NBPF10: variants seen among roughly 807,000 people sequenced by gnomAD.
NBPF10 encodes the protein NBPF member 10.
Under a neutral mutation model 77.9 loss-of-function variants are expected in NBPF10, and 63 were observed. That is an observed-to-expected ratio of 0.81 (90% confidence interval 0.66 to 1.00). The LOEUF is 1.00. Among genes scored for constraint, NBPF10 ranks in the 50% least tolerant of loss-of-function variants. The pLI, the probability that NBPF10 is intolerant of heterozygous loss-of-function variation, is 0.00. For synonymous variants in NBPF10, 146 were observed against 264.5 expected (o/e 0.55, Z 4.35); for missense variants, 522 against 679.8 (o/e 0.77, Z 2.58).
chr1:146,125,883 G>T (rs587746045), intron 14 of NBPF10, among the ~76,000 whole-genome samples: 3 of 151,316 alleles, frequency 2.0e-5, no homozygotes, highest in South Asian at 2.1e-4. Context: ...GTTCATGGTA[G>T]CGAGGATTTT....
chr1:146,073,889 C>A (rs1247566655), intron 80 of NBPF10, among the ~76,000 whole-genome samples: 1 of 76,254 alleles, frequency 1.3e-5, no homozygotes, highest in Non-Finnish European at 3.6e-5. Context: ...TCAGCCCTGT[C>A]TCATCAAATA....
chr1:146,136,205 CT>C, intron 7 of NBPF10, 147 bp downstream of exon 7: 1 of 793,756 alleles, frequency 1.3e-6, no homozygotes, highest in Non-Finnish European at 2.1e-6. Flanking sequence ...TCCTTCTTCT[CT>C]GATAAATATT....
intron 88 of NBPF10, among the ~76,000 whole-genome samples, chr1:146,067,731 AT>A (rs1412105848): frequency 6.6e-6 from 1 of 150,442 alleles, no homozygotes; most frequent in African/African-American, 2.4e-5. Flanking sequence ...AGTTCTCTGA[AT>A]TTGTCACATC....
At chr1:146,138,874 G>C (rs322075) in intron 5 of NBPF10, among the ~76,000 whole-genome samples, 1 of 119,302 alleles carries the variant, frequency 8.4e-6, no homozygotes. Flanking sequence ...CACCTCTGCC[G>C]CCCGGGTTCA....
At chr1:146,129,371 G>A (rs1158919564) in intron 11 of NBPF10, among the ~76,000 whole-genome samples, 2 of 136,826 alleles carry the variant, frequency 1.5e-5, no homozygotes, top group Non-Finnish European at 3.1e-5. Context: ...TAGCCAATTC[G>A]ATCAAGTGCA....
chr1:146,076,290 C>CAA (rs1656042197), intron 77 of NBPF10, among the ~76,000 whole-genome samples: 2 of 11,082 alleles, frequency 1.8e-4, no homozygotes, highest in African/African-American at 3.6e-4. Context: ...CACACACACA[C>CAA]ACACACACAC....
At chr1:146,084,033 G>A (rs1656510341) in intron 67 of NBPF10, 124 bp from the exon 68 acceptor site, 1 of 587,714 alleles carries the variant, frequency 1.7e-6, no homozygotes, top group African/African-American at 1.9e-5. Flanking sequence ...CATTAATGAG[G>A]TAACAAATTA....
chr1:146,125,279 G>C (rs1301245015), intron 15 of NBPF10, among the ~76,000 whole-genome samples, 186 bp downstream of exon 15: 485 of 41,726 alleles, frequency 0.012, 29 homozygotes, highest in African/African-American at 0.061. Context: ...TAGTAAGTGA[G>C]TAAATGATAA....
chr1:146,126,353 C>A (rs1553662490), exon 14 of NBPF10: 7 of 1,377,250 alleles, frequency 5.1e-6, no homozygotes, highest in East Asian at 4.6e-5. Context: ...TAACATCTAT[C>A]CTGTGAGTCC....
intron 3 of NBPF10, 126 bp from the exon 4 acceptor site, chr1:146,140,682 T>G (rs1240546758): frequency 5.5e-6 from 3 of 545,720 alleles, no homozygotes; most frequent in Non-Finnish European, 8.9e-6. Context: ...CTCTCATGTT[T>G]TATCTTTCAC....
At chr1:146,136,088 C>T (rs1443587453) in intron 7 of NBPF10, among the ~76,000 whole-genome samples, 2 of 149,060 alleles carry the variant, frequency 1.3e-5, no homozygotes, top group Non-Finnish European at 1.5e-5. Flanking sequence ...GTGGTTCACA[C>T]TCCTTTGGTT....
chr1:146,126,372 T>G (rs782171304), exon 14 of NBPF10: 1 of 1,373,742 alleles, frequency 7.3e-7, no homozygotes, highest in East Asian at 2.3e-5. Context: ...CCTGCAAGAC[T>G]TCAGGCCCTT....
chr1:146,125,390 C>T, intron 15 of NBPF10, 75 bp downstream of exon 15: 1 of 269,592 alleles, frequency 3.7e-6, no homozygotes, highest in Non-Finnish European at 6.6e-6. Context: ...AAATTGAACA[C>T]ACTCTTGTTT....
intron 15 of NBPF10, among the ~76,000 whole-genome samples, chr1:146,125,191 G>A (rs1314872036): frequency 6.9e-5 from 1 of 14,396 alleles, no homozygotes; most frequent in Non-Finnish European, 1.1e-4. Context: ...CATGAAAAGA[G>A]TGGGCTCAAT....
chr1:146,138,990 G>A (rs1211546665), intron 5 of NBPF10, among the ~76,000 whole-genome samples: 1 of 139,292 alleles, frequency 7.2e-6, no homozygotes, highest in Non-Finnish European at 1.6e-5. Context: ...CGCCATCTTG[G>A]ACAGGCTGGT....
chr1:146,126,185 C>T (rs1237448250), intron 14 of NBPF10, 51 bp downstream of exon 14: 6 of 1,004,728 alleles, frequency 6.0e-6, no homozygotes, highest in South Asian at 1.3e-5. Flanking sequence ...GAATATGACC[C>T]TAACCAGAAG....
At chr1:146,128,184 T>C (rs1553791081) in exon 12 of NBPF10, 6 of 844,514 alleles carry the variant, frequency 7.1e-6, no homozygotes, top group Admixed American at 4.2e-5. Context: ...GCTGTAAGAC[T>C]GGTACGAGGC....
chr1:146,121,066 A>G (rs1346406965), intron 20 of NBPF10, among the ~76,000 whole-genome samples: 1 of 106,104 alleles, frequency 9.4e-6, no homozygotes, highest in Non-Finnish European at 1.9e-5. Flanking sequence ...GATTTAAAGA[A>G]ATTGCCCCCA....
chr1:146,066,350 C>G (rs1197426541), exon 90 of NBPF10: 2 of 1,082,782 alleles, frequency 1.8e-6, no homozygotes, highest in Non-Finnish European at 2.5e-6. Context: ...ATCTGGAACA[C>G]CAGGTGGAGA....
Sources: allele counts gnomAD v4.1 joint callset (sites outside exome capture counted in the v4.1 genomes callset), GRCh38; gene constraint gnomAD v4.1.1; transcripts MANE v1.5; gene names NCBI Gene and HGNC (gene_info 2026-07-23, HGNC 2026-07-21).